FLNB: variants seen among roughly 807,000 people sequenced by gnomAD.
FLNB encodes filamin B.
A neutral mutation model predicts 250.6 loss-of-function variants in FLNB; 111 were observed. The observed-to-expected ratio is 0.44, with a 90% CI of 0.38 to 0.52. The LOEUF (loss-of-function observed/expected upper bound fraction) is 0.52, where lower values mean the gene tolerates loss of function less well. Ranked by LOEUF, FLNB falls within the 20% of genes least tolerant of loss-of-function variation. The pLI, the probability that FLNB is intolerant of heterozygous loss-of-function variation, is 0.00. For missense variants in FLNB, 2,869 were observed against 3,447.8 expected, an observed-to-expected ratio of 0.83 and a Z score of 4.20; for synonymous variants, 1,302 against 1,372.1, an observed-to-expected ratio of 0.95 and a Z score of 1.13.
At chr3:58,128,619 C>T (rs564617986) in intron 24 of FLNB, among the ~76,000 whole-genome samples, 11 of 152,136 alleles carry the variant, frequency 7.2e-5, no homozygotes, top group South Asian at 4.2e-4. Flanking sequence ...GCACAGGAAA[C>T]GGGTAGAAGG....
chr3:58,109,086 T>TGGTG (rs1364873190), intron 13 of FLNB, 93 bp from the exon 14 acceptor site: 1 of 1,488,646 alleles, frequency 6.7e-7, no homozygotes, highest in Non-Finnish European at 9.3e-7. Context: ...TATAAGCAAG[T>TGGTG]GGTGACTTGG....
At chr3:58,048,839 A>T (rs1423037745) in intron 1 of FLNB, among the ~76,000 whole-genome samples, 1 of 152,222 alleles carries the variant, frequency 6.6e-6, no homozygotes, top group African/African-American at 2.4e-5. Flanking sequence ...GTTAATTTTT[A>T]TTTTTAAAAT....
At chr3:58,147,277 A>G (rs1205622182) in intron 34 of FLNB, among the ~76,000 whole-genome samples, 1 of 152,228 alleles carries the variant, frequency 6.6e-6, no homozygotes, top group African/African-American at 2.4e-5. Flanking sequence ...GGAGTGTTCG[A>G]ATCATACTTA....
intron 24 of FLNB, among the ~76,000 whole-genome samples, chr3:58,127,102 T>G (rs2097299252): frequency 6.6e-6 from 1 of 152,144 alleles, no homozygotes; most frequent in African/African-American, 2.4e-5. Flanking sequence ...GCATGCAGAT[T>G]GCTTCAGGTC....
chr3:58,010,613 C>T (rs192919533), intron 1 of FLNB, among the ~76,000 whole-genome samples: 127 of 152,338 alleles, frequency 8.3e-4, no homozygotes, highest in African/African-American at 3.0e-3. Context: ...AATCCCAAGG[C>T]CCAGCTGGGC....
chr3:58,030,783 A>G (rs1188557321), intron 1 of FLNB, among the ~76,000 whole-genome samples: 1 of 152,054 alleles, frequency 6.6e-6, no homozygotes, highest in Non-Finnish European at 1.5e-5. Flanking sequence ...CTGAGGTGGG[A>G]GGATCACTTG....
rs145697837 is a variant in FLNB at position 58,123,365 on chromosome 3, C to T, written c.3399C>T (p.Pro1133=). ...FKADIEMPFD[P]SKVVASGPGL... ...CTGACATTGAAATGCCCTTTGACCC[C>T]TCTAAAGTCGTGGCATCGGGGCCAG... The change falls in exon 21 of 46, where the codon CCC becomes CCT. Residue 1133 remains proline, a synonymous_variant. Transcript: ENST00000295956. The T allele has an allele frequency of 6.2e-7, 1 of 1,614,186 alleles. No homozygotes were observed. Among genetic ancestry groups the T allele is most frequent in the Non-Finnish European group, 8.5e-7 (1 of 1,180,026 alleles).
At chr3:58,019,317 T>C (rs1216268474) in intron 1 of FLNB, among the ~76,000 whole-genome samples, 1 of 152,154 alleles carries the variant, frequency 6.6e-6, no homozygotes, top group Non-Finnish European at 1.5e-5. Flanking sequence ...TCCCTGTCTG[T>C]CCCCTCTTTT....
chr3:58,078,407 C>G, intron 2 of FLNB: 1 of 1,534,284 alleles, frequency 6.5e-7, no homozygotes, highest in African/African-American at 1.4e-5. Context: ...ATCCCTCCTG[C>G]ATAAAGGCAC....
chr3:58,093,736 G>A (rs558005183), intron 4 of FLNB, among the ~76,000 whole-genome samples: 26 of 152,086 alleles, frequency 1.7e-4, no homozygotes, highest in Non-Finnish European at 3.1e-4. Flanking sequence ...TTCAGTGGGC[G>A]AATGGTTAAA....
intron 1 of FLNB, among the ~76,000 whole-genome samples, chr3:58,075,740 A>G (rs936439308): frequency 5.9e-5 from 9 of 152,138 alleles, no homozygotes; most frequent in African/African-American, 2.2e-4. Flanking sequence ...TTAGGTAGGG[A>G]TAGAATTGAC....
chr3:58,059,648 C>T lies in FLNB; in HGVS notation c.293-17398C>T, dbSNP rs763620782. On this transcript the variant is annotated intron_variant, in intron 1 of 45. Coordinates refer to ENST00000295956, the MANE Select transcript of FLNB (RefSeq NM_001457.4). ...TTGCCTGGCCTGCCCTTGGACAGTGCGCCTCAGGAATGTTAGAATGTGTTC... is the reference window on the plus strand; with the variant it reads ...TTGCCTGGCCTGCCCTTGGACAGTGTGCCTCAGGAATGTTAGAATGTGTTC... Among the ~76,000 whole-genome samples the T allele has an allele frequency of 8.5e-5, 13 of 152,142 alleles. No homozygotes were observed. The East Asian group carries it at 9.6e-4, about 11-fold the overall frequency.
chr3:58,030,747 G>A (rs561849438), intron 1 of FLNB, among the ~76,000 whole-genome samples: 9 of 152,084 alleles, frequency 5.9e-5, no homozygotes, highest in Non-Finnish European at 1.3e-4. Context: ...GGTAGCAGGC[G>A]CCTGTTGTCC....
chr3:58,064,780 A>G (rs1279440959), intron 1 of FLNB, among the ~76,000 whole-genome samples: 3 of 152,070 alleles, frequency 2.0e-5, no homozygotes, highest in South Asian at 2.1e-4. Flanking sequence ...TGAGAGGCCA[A>G]TGTGGGCAGA....
chr3:58,153,287 C>T, intron 38 of FLNB, 88 bp from the exon 39 acceptor site: 1 of 1,495,866 alleles, frequency 6.7e-7, no homozygotes, highest in Admixed American at 1.7e-5. Flanking sequence ...ACACACCTTG[C>T]TCTCGGCTGC....
chr3:58,008,848 T>C lies in FLNB; in HGVS notation c.284T>C (p.Val95Ala). The change falls in exon 1 of 46, where the codon GTG becomes GCG. Residue 95 changes from valine (V) to alanine (A), a missense_variant. Transcript: ENST00000295956. ...CTGGACCGTGAGAGCATCAAGCTCGTGTCCATCGGTGAGTTCTCTGGCCGG... is the reference window on the plus strand; with the variant it reads ...CTGGACCGTGAGAGCATCAAGCTCGCGTCCATCGGTGAGTTCTCTGGCCGG... The part of the protein sequence containing the change: ...EFLDRESIKL[V>A]SIDSKAIVDG... The C allele has an allele frequency of 1.2e-6, 2 of 1,613,696 alleles. No homozygotes were observed. Among genetic ancestry groups the C allele is most frequent in the Non-Finnish European group, 1.7e-6 (2 of 1,179,980 alleles).
At chr3:58,022,840 CAG>C (rs1259871478) in intron 1 of FLNB, among the ~76,000 whole-genome samples, 2 of 151,044 alleles carry the variant, frequency 1.3e-5, no homozygotes, top group Non-Finnish European at 2.9e-5. Flanking sequence ...TTTTTTGAGA[CAG>C]AGTCTTGCTG....
rs950487465 is a variant in FLNB, at chr3:58,156,155, C to T, written c.6888+80C>T. On this transcript the variant is annotated intron_variant, in intron 41 of 45. Transcript: ENST00000295956. ...TGGACTCCTGAGGCTGCTTCAATGT[C>T]CCCTTAGGTGCTGAGGCCCCTTTTC... 4 of 1,052,818 alleles carry T rather than the reference C, an allele frequency of 3.8e-6. No homozygotes were observed. The African/African-American group carries it at 6.3e-5, about 16-fold the overall frequency. 65.2% of individuals were successfully genotyped at this position (1,052,818 alleles called of 1,614,324 possible). A position where few individuals can be genotyped will look rare whatever the true frequency, so the allele number is the denominator to read the frequency against.
intron 8 of FLNB, 26 bp downstream of exon 8, chr3:58,098,934 G>T: frequency 6.2e-7 from 1 of 1,604,888 alleles, no homozygotes; most frequent in South Asian, 1.1e-5. Context: ...CTGGCCACAT[G>T]TGCTTCTCAT....
Sources: allele counts gnomAD v4.1 joint callset (sites outside exome capture counted in the v4.1 genomes callset), GRCh38; gene constraint gnomAD v4.1.1; transcripts MANE v1.5; gene names NCBI Gene and HGNC (gene_info 2026-07-23, HGNC 2026-07-21).